RHOJ: variants seen among roughly 807,000 people sequenced by gnomAD.
RHOJ encodes ras homolog family member J.
RHOJ carries 11 observed loss-of-function variants against 23.4 expected under a neutral mutation model. That is an observed-to-expected ratio of 0.47 (90% CI 0.30 to 0.78). The LOEUF is 0.78. RHOJ is among the 30% of genes least tolerant of loss of function. The pLI, the probability that RHOJ is intolerant of heterozygous loss-of-function variation, is 0.08. For synonymous variants in RHOJ, 102 were observed against 102.7 expected (o/e 0.99, Z 0.04); for missense variants, 254 against 273.4 (o/e 0.93, Z 0.50).
At chr14:63,280,927 C>T in intron 2 of RHOJ, 44 bp from the exon 3 acceptor site, 1 of 1,571,642 alleles carries the variant, frequency 6.4e-7, no homozygotes, top group Non-Finnish European at 8.6e-7. Context: ...ACATGGGACA[C>T]ACCTTACACA....
intron 2 of RHOJ, among the ~76,000 whole-genome samples, chr14:63,273,207 C>T (rs1895502956): frequency 6.6e-6 from 1 of 152,186 alleles, no homozygotes; most frequent in Non-Finnish European, 1.5e-5. Flanking sequence ...GAATTCCAAA[C>T]ATTAGATTAG....
chr14:63,271,730 G>C (rs1895473983), intron 2 of RHOJ, among the ~76,000 whole-genome samples: 1 of 152,180 alleles, frequency 6.6e-6, no homozygotes, highest in South Asian at 2.1e-4. Flanking sequence ...AGGTAACTGG[G>C]ATTACAGGCA....
chr14:63,228,982 C>T (rs540826870), intron 1 of RHOJ, among the ~76,000 whole-genome samples: 11 of 152,152 alleles, frequency 7.2e-5, no homozygotes, highest in Admixed American at 3.9e-4. Context: ...GCACCTATCA[C>T]ACTGTATTAT....
Position 63,205,004 on chromosome 14 carries a change from C to T in RHOJ, c.135C>T (p.Ala45=). The T allele has an allele frequency of 1.9e-6, 3 of 1,614,222 alleles. No homozygotes were observed. Among genetic ancestry groups the T allele is most frequent in the Non-Finnish European group, 2.5e-6 (3 of 1,180,042 alleles). Residue 45 remains alanine (A), a synonymous_variant, in exon 1 of 5, where the codon GCC becomes GCT. Coordinates refer to ENST00000316754, the MANE Select transcript of RHOJ (RefSeq NM_020663.5). ...TGCTGATGAGCTACGCCAACGACGC[C>T]TTCCCAGAGGAATACGTGCCCACTG... ...TCLLMSYAND[A]FPEEYVPTVF...
intron 1 of RHOJ, among the ~76,000 whole-genome samples, chr14:63,216,350 C>T (rs1894356026): frequency 6.6e-6 from 1 of 152,140 alleles, no homozygotes; most frequent in African/African-American, 2.4e-5. Context: ...AAATAATCAG[C>T]AAGTAGTCTC....
intron 1 of RHOJ, among the ~76,000 whole-genome samples, chr14:63,244,199 G>A (rs1271591065): frequency 6.6e-6 from 1 of 152,170 alleles, no homozygotes; most frequent in African/African-American, 2.4e-5. Flanking sequence ...CATATTGCAA[G>A]AAGGCAATAA....
intron 1 of RHOJ, among the ~76,000 whole-genome samples, chr14:63,241,166 C>T (rs764361684): frequency 1.1e-4 from 17 of 152,222 alleles, no homozygotes; most frequent in African/African-American, 2.2e-4. Flanking sequence ...ACGCCATACG[C>T]GCATTCATTC....
intron 1 of RHOJ, among the ~76,000 whole-genome samples, chr14:63,241,898 C>G (rs916289988): frequency 6.6e-6 from 1 of 152,190 alleles, no homozygotes; most frequent in African/African-American, 2.4e-5. Context: ...TCACCAATGC[C>G]TCTCAAAAAT....
Position 63,281,911 on chromosome 14 carries a change from T to G in RHOJ, c.402+776T>G, listed in dbSNP as rs532237406. Among the ~76,000 whole-genome samples the G allele has an allele frequency of 2.6e-5, 4 of 152,374 alleles. No homozygotes were observed. In the East Asian group the frequency reaches 7.7e-4, roughly 29 times the overall value. The stretch of plus-strand genomic sequence containing the variant: ...CTTCATTGTTATCTGTTTCATACGC[T>G]ATTTCTTTCTATTATTCATTTATGT... On this transcript the variant is annotated intron_variant, in intron 3 of 4. Coordinates refer to ENST00000316754, the MANE Select transcript of RHOJ (RefSeq NM_020663.5).
intron 2 of RHOJ, among the ~76,000 whole-genome samples, chr14:63,274,108 C>A (rs1881637810): frequency 6.6e-6 from 1 of 152,204 alleles, no homozygotes; most frequent in South Asian, 2.1e-4. Context: ...AGCAAGGAAG[C>A]AAGCACAGCT....
intron 1 of RHOJ, among the ~76,000 whole-genome samples, chr14:63,253,389 C>A (rs2139642548): frequency 6.6e-6 from 1 of 151,978 alleles, no homozygotes; most frequent in Admixed American, 6.6e-5. Flanking sequence ...GCCTCAGCTT[C>A]CCAAGTAGCT....
intron 1 of RHOJ, among the ~76,000 whole-genome samples, chr14:63,256,703 G>T (rs1259286330): frequency 1.3e-5 from 2 of 152,206 alleles, no homozygotes; most frequent in African/African-American, 4.8e-5. Flanking sequence ...ACTTTGGCAG[G>T]CCGAGGCAGG....
At chr14:63,250,636 C>T (rs1424885704) in intron 1 of RHOJ, among the ~76,000 whole-genome samples, 1 of 152,126 alleles carries the variant, frequency 6.6e-6, no homozygotes, top group East Asian at 1.9e-4. Context: ...GGACTTTTTT[C>T]CACTATGCAC....
At chr14:63,224,532 G>C (rs1894554817) in intron 1 of RHOJ, among the ~76,000 whole-genome samples, 1 of 152,104 alleles carries the variant, frequency 6.6e-6, no homozygotes, top group South Asian at 2.1e-4. Context: ...AAATCCATTT[G>C]TATGACCTTA....
At chr14:63,254,242 G>C (rs1177260779) in intron 1 of RHOJ, among the ~76,000 whole-genome samples, 1 of 152,110 alleles carries the variant, frequency 6.6e-6, no homozygotes, top group African/African-American at 2.4e-5. Flanking sequence ...TTCTAGAATT[G>C]ATCAGTTTCA....
chr14:63,248,356 C>T (rs1204008452), intron 1 of RHOJ, among the ~76,000 whole-genome samples: 1 of 152,080 alleles, frequency 6.6e-6, no homozygotes, highest in African/African-American at 2.4e-5. Context: ...ACTTACATGC[C>T]TTAAATCTGA....
chr14:63,233,674 T>C (rs952473680), intron 1 of RHOJ, among the ~76,000 whole-genome samples: 1 of 152,196 alleles, frequency 6.6e-6, no homozygotes, highest in Admixed American at 6.5e-5. Context: ...CCAGGACAAA[T>C]AACTCTTGAA....
chr14:63,242,903 C>T (rs1461488274), intron 1 of RHOJ, among the ~76,000 whole-genome samples: 4 of 151,978 alleles, frequency 2.6e-5, no homozygotes, highest in Non-Finnish European at 5.9e-5. Flanking sequence ...GAAAAACTGG[C>T]AAGTGATTAA....
At chr14:63,259,131 G>A (rs1895230416) in intron 1 of RHOJ, among the ~76,000 whole-genome samples, 1 of 152,160 alleles carries the variant, frequency 6.6e-6, no homozygotes, top group Non-Finnish European at 1.5e-5. Context: ...GTAGAGATAG[G>A]ATTTTGCCAT....
Sources: allele counts gnomAD v4.1 joint callset (sites outside exome capture counted in the v4.1 genomes callset), GRCh38; gene constraint gnomAD v4.1.1; transcripts MANE v1.5; gene names NCBI Gene and HGNC (gene_info 2026-07-23, HGNC 2026-07-21).